Variants in FIGN observed in about 807,000 individuals in gnomAD.
FIGN encodes the protein fidgetin.
Under a neutral mutation model 51.3 loss-of-function variants are expected in FIGN, and 11 were observed. The observed-to-expected ratio is 0.21, with a 90% CI of 0.13 to 0.35. The LOEUF is 0.35. Among genes scored for constraint, FIGN ranks in the 10% least tolerant of loss-of-function variants. The pLI, the probability that FIGN is intolerant of heterozygous loss-of-function variation, is 1.00. For synonymous variants in FIGN, 407 were observed against 363.2 expected (o/e 1.12, Z -1.37); for missense variants, 857 against 943.6 (o/e 0.91, Z 1.20).
chr2:163,629,989 G>GTTTTT (rs1683120553), intron 2 of FIGN, among the ~76,000 whole-genome samples: 1 of 126,942 alleles, frequency 7.9e-6, no homozygotes, highest in African/African-American at 3.2e-5. Context: ...TTTTGACAGG[G>GTTTTT]TCTTGCTCTA....
At position 163,609,866 on chromosome 2, in the gene FIGN, T is replaced by C; in HGVS notation, c.1966A>G (p.Thr656Ala). 6.2e-7 allele frequency: 1 copy of C among 1,614,176 alleles called. No individual in the cohort carries two copies. Among genetic ancestry groups the C allele is most frequent in the Non-Finnish European group, 8.5e-7 (1 of 1,180,020 alleles). ...TGTACTATTATCTGGTGCCTCGCTGTGCTGTCAGGAAGTGGGATTAAAAGT... is the reference window on the plus strand; with the variant it reads ...TGTACTATTATCTGGTGCCTCGCTGCGCTGTCAGGAAGTGGGATTAAAAGT... Reference protein sequence around the residue: ...KRLLIPLPDSTARHQIIVQLL... With the variant: ...KRLLIPLPDSAARHQIIVQLL... The change falls in exon 3 of 3, where the codon ACA becomes GCA. Residue 656 changes from threonine (T) to alanine (A), a missense_variant. Physicochemically the swap from Thr to Ala is moderately conservative, Grantham distance 58 (BLOSUM62 0). Transcript: ENST00000333129.
At position 163,684,295 on chromosome 2, in the gene FIGN, T is replaced by A. The variant is rs1684111722; in HGVS notation, c.25+50608A>T. Among the ~76,000 whole-genome samples, 3 of 152,226 alleles carry A rather than the reference T, an allele frequency of 2.0e-5. No homozygotes were observed. In the South Asian group the frequency reaches 6.2e-4, roughly 32 times the overall value. On this transcript the variant is annotated intron_variant, in intron 2 of 2. Coordinates refer to ENST00000333129, the MANE Select transcript of FIGN (RefSeq NM_018086.4). ...AGAGAAGTTCAGCCTTTACTCTGCC[T>A]AAACATAGCAAAAGCAAGCTAGATG...
chr2:163,684,779 T>G (rs1022322069), intron 2 of FIGN, among the ~76,000 whole-genome samples: 1 of 152,086 alleles, frequency 6.6e-6, no homozygotes, highest in Non-Finnish European at 1.5e-5. Context: ...TTCCTTTTTT[T>G]CTTCTTCTTT....
At chr2:163,614,230 G>A (rs995104560) in intron 2 of FIGN, among the ~76,000 whole-genome samples, 11 of 152,186 alleles carry the variant, frequency 7.2e-5, no homozygotes, top group African/African-American at 2.6e-4. Context: ...CGCAAAATGG[G>A]TGAAATGACC....
chr2:163,610,457 C>T lies in FIGN; in HGVS notation c.1375G>A (p.Glu459Lys), dbSNP rs745997168. Residue 459 changes from glutamate (E) to lysine (K), a missense_variant, in exon 3 of 3, where the codon GAG becomes AAG. Around this residue, in one of 3 missense-constraint regions of FIGN, gnomAD observed 799 missense variants for 849.5 expected, o/e 0.94. Transcript: ENST00000333129. Reference sequence around the variant, plus strand: ...TGCGTGTCAGTATTCTTCAGTTGCTCGTCCACAGAGTGGTTGGATGAGGTA... The same window carrying T: ...TGCGTGTCAGTATTCTTCAGTTGCTTGTCCACAGAGTGGTTGGATGAGGTA... ...AATSSNHSVD[E>K]QLKNTDTHLI... 2.9e-5 allele frequency: 47 copies of T among 1,614,014 alleles called. No homozygotes were observed. The highest frequency in any genetic ancestry group is 6.7e-5 in the East Asian group (3 of 44,870).
At chr2:163,653,879 C>G (rs1282108154) in intron 2 of FIGN, among the ~76,000 whole-genome samples, 6 of 151,856 alleles carry the variant, frequency 4.0e-5, no homozygotes, top group Non-Finnish European at 2.9e-5. Flanking sequence ...TTTTTTATTT[C>G]AAAAATAACA....
At chr2:163,705,242 C>A (rs891562897) in intron 2 of FIGN, among the ~76,000 whole-genome samples, 8 of 152,202 alleles carry the variant, frequency 5.3e-5, no homozygotes, top group African/African-American at 9.6e-5. Flanking sequence ...GGGGACCACT[C>A]TCCTAGAGGG....
chr2:163,699,675 A>T (rs1348867022), intron 2 of FIGN, among the ~76,000 whole-genome samples: 5 of 152,190 alleles, frequency 3.3e-5, no homozygotes, highest in Non-Finnish European at 5.9e-5. Context: ...GAGAAACTTA[A>T]GGTTCAATTA....
chr2:163,690,297 G>C (rs1038231712), intron 2 of FIGN, among the ~76,000 whole-genome samples: 1 of 152,094 alleles, frequency 6.6e-6, no homozygotes, highest in Non-Finnish European at 1.5e-5. Context: ...CATAATTGTA[G>C]TTCAAAACAA....
chr2:163,695,767 AAG>A (rs1357486441), intron 2 of FIGN, among the ~76,000 whole-genome samples: 1 of 152,150 alleles, frequency 6.6e-6, no homozygotes, highest in African/African-American at 2.4e-5. Flanking sequence ...CTCAAAGACA[AAG>A]ACATTTTCCC....
intron 2 of FIGN, among the ~76,000 whole-genome samples, chr2:163,719,017 C>T (rs1005023794): frequency 6.6e-6 from 1 of 152,078 alleles, no homozygotes; most frequent in African/African-American, 2.4e-5. Context: ...TAATCATTGC[C>T]TGTCAATATC....
chr2:163,689,923 A>C (rs147504556), intron 2 of FIGN, among the ~76,000 whole-genome samples: 1 of 152,300 alleles, frequency 6.6e-6, no homozygotes, highest in Non-Finnish European at 1.5e-5. Flanking sequence ...GTGTAACTAG[A>C]ATACTTGTAC....
intron 2 of FIGN, among the ~76,000 whole-genome samples, chr2:163,690,424 C>T (rs1320186647): frequency 1.3e-5 from 2 of 151,998 alleles, no homozygotes; most frequent in Non-Finnish European, 2.9e-5. Context: ...ACAAATGTGT[C>T]AAAAAGCCGT....
intron 2 of FIGN, among the ~76,000 whole-genome samples, chr2:163,635,261 A>G (rs1683207695): frequency 6.6e-6 from 1 of 152,230 alleles, no homozygotes; most frequent in Admixed American, 6.5e-5. Context: ...GTATATTTAA[A>G]TATTATGTTT....
intron 2 of FIGN, among the ~76,000 whole-genome samples, chr2:163,657,602 A>T: frequency 6.6e-6 from 1 of 151,894 alleles, no homozygotes; most frequent in East Asian, 1.9e-4. Flanking sequence ...TTCAAGAGGA[A>T]TTCTACAGAA....
chr2:163,702,547 A>T (rs1684425247), intron 2 of FIGN, among the ~76,000 whole-genome samples: 1 of 152,118 alleles, frequency 6.6e-6, no homozygotes, highest in Non-Finnish European at 1.5e-5. Context: ...TTTCTCAAAG[A>T]AAGTTATGGT....
intron 2 of FIGN, among the ~76,000 whole-genome samples, chr2:163,629,394 G>A (rs555035757): frequency 5.3e-5 from 8 of 152,208 alleles, no homozygotes; most frequent in East Asian, 3.9e-4. Flanking sequence ...GGGATCAGAC[G>A]TCATGGTGAG....
At chr2:163,652,621 T>C (rs1683496319) in intron 2 of FIGN, among the ~76,000 whole-genome samples, 1 of 152,174 alleles carries the variant, frequency 6.6e-6, no homozygotes, top group African/African-American at 2.4e-5. Context: ...GCATATGTTC[T>C]GCTAAAGAAG....
chr2:163,669,095 G>A (rs534099116), intron 2 of FIGN, among the ~76,000 whole-genome samples: 104 of 149,496 alleles, frequency 7.0e-4, no homozygotes, highest in African/African-American at 2.5e-3. Flanking sequence ...GTATTAATTT[G>A]ATAACTCCTT....
Sources: gnomAD v4.1 joint callset for allele counts (sites outside exome capture counted in the v4.1 genomes callset) on GRCh38, gnomAD v4.1.1 for gene constraint, gnomAD v4.1.1 regional missense constraint, MANE v1.5 for transcripts, NCBI Gene and HGNC (gene_info 2026-07-23, HGNC 2026-07-21) for gene names.